Variants in ASAP1 observed in about 807,000 individuals in gnomAD.
ASAP1 encodes ArfGAP with SH3 domain, ankyrin repeat and PH domain 1, also known as arf-GAP with SH3 domain, ANK repeat and PH domain-containing protein 1.
A neutral mutation model predicts 145.2 loss-of-function variants in ASAP1; 43 were observed. The ratio of observed to expected loss-of-function variants is 0.30; its 90% CI spans 0.23 to 0.38. The LOEUF is 0.38. ASAP1 is among the 10% of genes least tolerant of loss of function. The pLI, the probability that ASAP1 is intolerant of heterozygous loss-of-function variation, is 1.00. For missense variants in ASAP1, 1,018 were observed against 1,355.3 expected (o/e 0.75, Z 3.91); for synonymous variants, 546 against 515.5 (o/e 1.06, Z -0.80).
chr8:130,247,888 TA>T (rs746095117), intron 3 of ASAP1, among the ~76,000 whole-genome samples: 6 of 152,150 alleles, frequency 3.9e-5, no homozygotes, highest in Non-Finnish European at 7.4e-5. Context: ...TCATTTTCAC[TA>T]AAACTGATCG....
At chr8:130,062,926 C>T (rs76182273) in intron 27 of ASAP1, among the ~76,000 whole-genome samples, 3,913 of 152,106 alleles carry the variant, frequency 0.026, 236 homozygotes, top group East Asian at 0.23. Flanking sequence ...TGAACTATGA[C>T]GGTGCCATTG....
intron 5 of ASAP1, among the ~76,000 whole-genome samples, chr8:130,207,970 T>C (rs1324245849): frequency 6.6e-6 from 1 of 152,214 alleles, no homozygotes; most frequent in Non-Finnish European, 1.5e-5. Context: ...GTGAGTTTGA[T>C]TTGTGTTCTG....
chr8:130,081,041 T>C lies in ASAP1; in HGVS notation c.2573-1070A>G, dbSNP rs528635759. On this transcript the variant is annotated intron_variant, in intron 25 of 29. Transcript: ENST00000518721. ...CTCTCACAGAGCTTATGCTCTGGCC[T>C]GTGAGACTTAAGACATAGGAAATAC... 5.3e-5 allele frequency among the ~76,000 whole-genome samples: 8 copies of C among 152,350 alleles called. No individual in the cohort carries two copies. The South Asian group carries it at 1.4e-3, about 28-fold the overall frequency.
intron 1 of ASAP1, among the ~76,000 whole-genome samples, chr8:130,425,597 T>C (rs1420812156): frequency 6.6e-6 from 1 of 152,046 alleles, no homozygotes; most frequent in Non-Finnish European, 1.5e-5. Flanking sequence ...CAATGAAAGA[T>C]CAGAGTGACA....
chr8:130,382,935 T>C (rs1827848914), intron 2 of ASAP1, among the ~76,000 whole-genome samples: 1 of 152,106 alleles, frequency 6.6e-6, no homozygotes, highest in African/African-American at 2.4e-5. Context: ...GAAAGCTTCA[T>C]TGAAGAGTTG....
intron 7 of ASAP1, among the ~76,000 whole-genome samples, chr8:130,186,956 T>A (rs779126034): frequency 5.3e-5 from 8 of 152,182 alleles, no homozygotes; most frequent in Non-Finnish European, 1.0e-4. Context: ...CATAGCCCTA[T>A]AACTTGATAG....
intron 27 of ASAP1, among the ~76,000 whole-genome samples, chr8:130,075,543 C>T (rs1332179650): frequency 6.6e-6 from 1 of 152,222 alleles, no homozygotes; most frequent in Non-Finnish European, 1.5e-5. Context: ...GAGCTTCCGT[C>T]TGTATCCAAG....
chr8:130,279,492 T>A (rs1017262853), intron 3 of ASAP1, among the ~76,000 whole-genome samples: 3 of 152,190 alleles, frequency 2.0e-5, no homozygotes, highest in Non-Finnish European at 4.4e-5. Flanking sequence ...GTGGGGGGAA[T>A]GCAAATCATA....
At chr8:130,058,202 C>T in intron 28 of ASAP1, 126 bp from the exon 29 acceptor site, 1 of 1,032,632 alleles carries the variant, frequency 9.7e-7, no homozygotes. Flanking sequence ...TTTCCTCACC[C>T]TTGAAGGGCG....
chr8:130,206,433 G>A (rs917084656), intron 5 of ASAP1, among the ~76,000 whole-genome samples: 1 of 151,472 alleles, frequency 6.6e-6, no homozygotes, highest in Non-Finnish European at 1.5e-5. Context: ...TCTTATTTGA[G>A]GGGAAAGAAA....
At chr8:130,392,844 A>G (rs181701406) in intron 2 of ASAP1, among the ~76,000 whole-genome samples, 1 of 152,196 alleles carries the variant, frequency 6.6e-6, no homozygotes, top group East Asian at 1.9e-4. Context: ...TTGTCACGGG[A>G]ACTAACAGAG....
At chr8:130,085,693 C>T (rs1406681233) in intron 25 of ASAP1, among the ~76,000 whole-genome samples, 1 of 146,396 alleles carries the variant, frequency 6.8e-6, no homozygotes, top group East Asian at 2.0e-4. Context: ...CATGATTGTG[C>T]CACTGTACTC....
At chr8:130,412,640 ATTTCT>A (rs1045209741) in intron 1 of ASAP1, among the ~76,000 whole-genome samples, 1 of 151,518 alleles carries the variant, frequency 6.6e-6, no homozygotes, top group African/African-American at 2.4e-5. Flanking sequence ...ATAAATAACA[ATTTCT>A]TTTCTTTTCT....
At chr8:130,249,486 C>T (rs1333683799) in intron 3 of ASAP1, among the ~76,000 whole-genome samples, 2 of 152,130 alleles carry the variant, frequency 1.3e-5, no homozygotes, top group African/African-American at 2.4e-5. Context: ...CTGCCTCTCA[C>T]CATTTTCTCC....
chr8:130,214,684 C>T lies in ASAP1; in HGVS notation c.277G>A (p.Glu93Lys), dbSNP rs147667256. The change falls in exon 5 of 30, where the codon GAA becomes AAA. Residue 93 changes from glutamate to lysine, a missense_variant. Around this residue, in one of 9 missense-constraint regions of ASAP1, gnomAD observed 106 missense variants for 134.5 expected, o/e 0.79. Transcript: ENST00000518721. ...NSGQDHVQNEENYAQVLDKFG... is the reference protein window; with the variant it reads ...NSGQDHVQNEKNYAQVLDKFG... ...TTATCAAGAACTTGTGCATAGTTTT[C>T]TTCATTTTGTACATGATCTAAAAAC... 5.6e-4 allele frequency: 893 copies of T among 1,597,786 alleles called. 1 individual carries two copies. Among genetic ancestry groups the T allele is most frequent in the Non-Finnish European group, 4.2e-4 (494 of 1,174,008 alleles).
intron 28 of ASAP1, among the ~76,000 whole-genome samples, chr8:130,058,535 G>A (rs2097409650): frequency 2.0e-5 from 3 of 152,216 alleles, no homozygotes; most frequent in Admixed American, 2.0e-4. Flanking sequence ...GTCCCCTCAT[G>A]CAAAACAGCA....
intron 3 of ASAP1, among the ~76,000 whole-genome samples, chr8:130,333,342 C>G (rs995714805): frequency 6.6e-6 from 1 of 152,154 alleles, no homozygotes; most frequent in African/African-American, 2.4e-5. Context: ...TGGCTCACGC[C>G]TGTCATCCCA....
At chr8:130,425,009 TA>T (rs1435056478) in intron 1 of ASAP1, among the ~76,000 whole-genome samples, 1 of 137,928 alleles carries the variant, frequency 7.3e-6, no homozygotes, top group Non-Finnish European at 1.7e-5. Context: ...AATAAATAAA[TA>T]AATAAATAAA....
chr8:130,335,057 G>A (rs533709847), intron 3 of ASAP1, among the ~76,000 whole-genome samples: 9 of 152,236 alleles, frequency 5.9e-5, no homozygotes, highest in South Asian at 2.1e-4. Flanking sequence ...ACGGATTAAC[G>A]ATCACTGATT....
Sources: allele counts gnomAD v4.1 joint callset (sites outside exome capture counted in the v4.1 genomes callset), GRCh38; gene constraint gnomAD v4.1.1; regional missense constraint gnomAD v4.1.1; transcripts MANE v1.5; gene names NCBI Gene and HGNC (gene_info 2026-07-23, HGNC 2026-07-21).